Variants in AKR1D1 observed in about 807,000 individuals in gnomAD.
The protein encoded by AKR1D1 is aldo-keto reductase family 1 member D1.
AKR1D1 carries 32 observed loss-of-function variants against 42.6 expected under a neutral mutation model. The observed-to-expected ratio is 0.75, with a 90% CI of 0.57 to 1.01. AKR1D1 has a LOEUF of 1.01. Ranked by LOEUF, AKR1D1 falls within the 50% of genes least tolerant of loss-of-function variation. The pLI, the probability that AKR1D1 is intolerant of heterozygous loss-of-function variation, is 0.00. For synonymous variants in AKR1D1, 123 were observed against 135.5 expected (o/e 0.91, Z 0.64); for missense variants, 364 against 402.2 (o/e 0.91, Z 0.81).
chr7:138,105,158 C>T, intron 4 of AKR1D1, 149 bp from the exon 5 acceptor site: 4 of 1,052,998 alleles, frequency 3.8e-6, no homozygotes, highest in Non-Finnish European at 5.7e-6. Flanking sequence ...CTGCCTTTTC[C>T]CACCATCCTT....
chr7:138,087,375 A>G (rs1416047887), intron 1 of AKR1D1, among the ~76,000 whole-genome samples: 1 of 152,226 alleles, frequency 6.6e-6, no homozygotes, highest in Non-Finnish European at 1.5e-5. Flanking sequence ...AAAATAATCA[A>G]ACCATAGCAA....
Position 138,099,574 on chromosome 7 carries a change from C to A in AKR1D1, c.456+1631C>A, listed in dbSNP as rs1303883722. ...AATTGAGATATCAGAATGAGGAAAT[C>A]TCTCAATATGAAGAAGAAAAGGACA... On this transcript the variant is annotated intron_variant, in intron 4 of 8. Transcript: ENST00000242375. Among the ~76,000 whole-genome samples the A allele has an allele frequency of 2.6e-5, 4 of 151,736 alleles. No homozygotes were observed. In the East Asian group the frequency reaches 5.8e-4, roughly 22 times the overall value.
chr7:138,094,693 T>C lies in AKR1D1; in HGVS notation c.378+2809T>C, dbSNP rs531718689. 1.1e-4 allele frequency among the ~76,000 whole-genome samples: 16 copies of C among 152,248 alleles called. No individual in the cohort carries two copies. The South Asian group carries it at 1.5e-3, about 14-fold the overall frequency. On this transcript the variant is annotated intron_variant, in intron 3 of 8. Transcript: ENST00000242375. ...ACCACACTCACCTAATTTTTCAATTTTTCTTTTGTAGAGACAGGGTCTCGC... is the reference window on the plus strand; with the variant it reads ...ACCACACTCACCTAATTTTTCAATTCTTCTTTTGTAGAGACAGGGTCTCGC...
At chr7:138,096,168 C>T (rs997652344) in intron 3 of AKR1D1, among the ~76,000 whole-genome samples, 6 of 151,704 alleles carry the variant, frequency 4.0e-5, no homozygotes, top group African/African-American at 9.7e-5. Context: ...ATCATGCCAC[C>T]GCACTCCAGC....
At chr7:138,114,057 A>G (rs1421445942) in intron 8 of AKR1D1, among the ~76,000 whole-genome samples, 3 of 152,232 alleles carry the variant, frequency 2.0e-5, no homozygotes, top group Admixed American at 6.5e-5. Context: ...TTCATCATGT[A>G]CATATGCTAA....
intron 4 of AKR1D1, among the ~76,000 whole-genome samples, chr7:138,100,571 T>C (rs1258864125): frequency 1.3e-5 from 2 of 152,106 alleles, no homozygotes; most frequent in East Asian, 3.8e-4. Context: ...AAGAAGATTA[T>C]TATATAATGA....
At chr7:138,092,005 C>T (rs1384835756) in intron 3 of AKR1D1, 121 bp downstream of exon 3, 2 of 618,720 alleles carry the variant, frequency 3.2e-6, no homozygotes, top group African/African-American at 1.9e-5. Flanking sequence ...GCACCATGAG[C>T]CAATAGCTAT....
chr7:138,098,644 A>G (rs1047604154), intron 4 of AKR1D1, among the ~76,000 whole-genome samples: 1 of 152,132 alleles, frequency 6.6e-6, no homozygotes, highest in African/African-American at 2.4e-5. Context: ...CTGAAAAGCA[A>G]TTCTGTTTTT....
intron 1 of AKR1D1, among the ~76,000 whole-genome samples, chr7:138,083,090 T>C (rs1440125429): frequency 1.3e-5 from 2 of 152,202 alleles, no homozygotes; most frequent in East Asian, 3.8e-4. Context: ...CATGTTCTAA[T>C]ATATCTTTAA....
intron 4 of AKR1D1, among the ~76,000 whole-genome samples, chr7:138,099,014 T>C (rs1056628200): frequency 6.6e-6 from 1 of 152,154 alleles, no homozygotes; most frequent in Non-Finnish European, 1.5e-5. Context: ...CAGTTTTTTT[T>C]TCCCACCGAT....
At chr7:138,095,629 G>C (rs142837304) in intron 3 of AKR1D1, among the ~76,000 whole-genome samples, 1 of 152,062 alleles carries the variant, frequency 6.6e-6, no homozygotes, top group Non-Finnish European at 1.5e-5. Flanking sequence ...GGGTTCAAGC[G>C]ATTCTCTTGC....
At chr7:138,101,979 G>A (rs115158073) in intron 4 of AKR1D1, among the ~76,000 whole-genome samples, 4,500 of 152,224 alleles carry the variant, frequency 0.03, 232 homozygotes, top group African/African-American at 0.1. Context: ...GGGAGGCCAT[G>A]GCAGGTGGAT....
chr7:138,113,399 T>C (rs188957690), intron 7 of AKR1D1, among the ~76,000 whole-genome samples: 331 of 152,284 alleles, frequency 2.2e-3, no homozygotes, highest in African/African-American at 7.0e-3. Flanking sequence ...CAGCATTTCA[T>C]ACAGAAATAA....
intron 7 of AKR1D1, 66 bp from the exon 8 acceptor site, chr7:138,113,624 C>A: frequency 7.4e-7 from 1 of 1,350,744 alleles, no homozygotes; most frequent in Non-Finnish European, 1.1e-6. Flanking sequence ...AGGCTCCCAC[C>A]GGTGGCCCCA....
At chr7:138,096,481 G>A (rs914893017) in intron 3 of AKR1D1, among the ~76,000 whole-genome samples, 5 of 152,190 alleles carry the variant, frequency 3.3e-5, no homozygotes, top group Admixed American at 1.3e-4. Context: ...ATTAATCCAC[G>A]ACTGAACAAC....
chr7:138,100,996 G>T (rs900232368), intron 4 of AKR1D1, among the ~76,000 whole-genome samples: 2 of 151,862 alleles, frequency 1.3e-5, no homozygotes, highest in Non-Finnish European at 2.9e-5. Context: ...GAGCCAACGC[G>T]CCCGGCCTAT....
intron 4 of AKR1D1, among the ~76,000 whole-genome samples, chr7:138,101,191 CCCTTCCTT>C (rs1222751373): frequency 3.1e-3 from 63 of 20,532 alleles, no homozygotes; most frequent in African/African-American, 0.013. Flanking sequence ...CTCCCTCCCT[CCCTTCCTT>C]CCTTCCTTCC....
intron 4 of AKR1D1, among the ~76,000 whole-genome samples, chr7:138,101,029 A>T (rs1200357151): frequency 6.6e-6 from 1 of 151,488 alleles, no homozygotes; most frequent in African/African-American, 2.4e-5. Flanking sequence ...TATTAAAATG[A>T]TATCATACTA....
Position 138,105,383 on chromosome 7 carries a change from T to G in AKR1D1, c.533T>G (p.Leu178Arg). The change falls in exon 5 of 9, where the codon CTC (leucine) becomes CGC (arginine). Residue 178 changes from leucine (L) to arginine (R), a missense_variant. Physicochemically the swap from Leu to Arg is moderately radical, Grantham distance 102. Coordinates refer to ENST00000242375, the MANE Select transcript of AKR1D1 (RefSeq NM_005989.4). ...VSNFNRRQLE[L>R]ILNKPGLKHK... ...AATTTTAACCGCAGGCAGCTGGAGC[T>G]CATCCTGAACAAGCCAGGACTCAAA... is the stretch of plus-strand genomic sequence containing the variant. 1 of 1,614,016 alleles carries G rather than the reference T, an allele frequency of 6.2e-7. No homozygotes were observed. Among genetic ancestry groups the G allele is most frequent in the Non-Finnish European group, 8.5e-7 (1 of 1,179,982 alleles).
Sources: gnomAD v4.1 joint callset for allele counts (sites outside exome capture counted in the v4.1 genomes callset) on GRCh38, gnomAD v4.1.1 for gene constraint, MANE v1.5 for transcripts, NCBI Gene and HGNC (gene_info 2026-07-23, HGNC 2026-07-21) for gene names.